BTBD9: variants seen among roughly 807,000 people sequenced by gnomAD.
BTBD9 encodes the protein BTB/POZ domain-containing protein 9.
A neutral mutation model predicts 64.3 loss-of-function variants in BTBD9; 49 were observed. The ratio of observed to expected loss-of-function variants is 0.76; its 90% CI spans 0.61 to 0.97. The LOEUF is 0.97. Ranked by LOEUF, BTBD9 falls within the 50% of genes least tolerant of loss-of-function variation. The probability of loss-of-function intolerance (pLI) is 0.00; values close to 1 mark genes in which losing one functional copy is unlikely to be tolerated. For missense variants in BTBD9, 598 were observed against 762.1 expected, an observed-to-expected ratio of 0.78 and a Z score of 2.53; for synonymous variants, 260 against 274.7, an observed-to-expected ratio of 0.95 and a Z score of 0.53.
chr6:38,552,989 CT>C (rs1039809281), intron 6 of BTBD9, among the ~76,000 whole-genome samples: 2 of 152,166 alleles, frequency 1.3e-5, no homozygotes, highest in Non-Finnish European at 2.9e-5. Context: ...TACACACAAC[CT>C]TCTGTACACA....
At chr6:38,434,989 G>A (rs1768646548) in intron 6 of BTBD9, among the ~76,000 whole-genome samples, 1 of 151,810 alleles carries the variant, frequency 6.6e-6, no homozygotes. Context: ...GAGGTCGGGA[G>A]TTCGAGACCA....
intron 10 of BTBD9, among the ~76,000 whole-genome samples, chr6:38,186,816 C>T (rs1761838512): frequency 6.6e-6 from 1 of 152,202 alleles, no homozygotes; most frequent in South Asian, 2.1e-4. Context: ...GAAACCCTGT[C>T]TTTCTGAATA....
chr6:38,448,773 C>T (rs753957141), intron 6 of BTBD9, among the ~76,000 whole-genome samples: 1 of 152,220 alleles, frequency 6.6e-6, no homozygotes, highest in Non-Finnish European at 1.5e-5. Context: ...CTGCCTCGGC[C>T]TCCCAAAGTG....
intron 1 of BTBD9, among the ~76,000 whole-genome samples, chr6:38,629,170 A>C (rs923885360): frequency 6.6e-6 from 1 of 152,222 alleles, no homozygotes; most frequent in Non-Finnish European, 1.5e-5. Flanking sequence ...GAGTGATGGA[A>C]TTAGGAAATC....
intron 6 of BTBD9, among the ~76,000 whole-genome samples, chr6:38,511,914 T>C (rs1436109966): frequency 2.0e-5 from 3 of 152,158 alleles, no homozygotes; most frequent in Non-Finnish European, 4.4e-5. Flanking sequence ...TAGGACCCTC[T>C]TGAAAGCTCA....
rs756549765 is a variant in BTBD9 at position 38,174,957 on chromosome 6, C to T, written c.*28G>A. On this transcript the variant is annotated 3_prime_UTR_variant, in exon 11 of 11. Transcript: ENST00000481247. Reference sequence around the variant, plus strand: ...CGTTTCCTGCCGTTGCCCGAGCCCACCAAGTCACACCAGGCCCGCTGCCTC... The same window carrying T: ...CGTTTCCTGCCGTTGCCCGAGCCCATCAAGTCACACCAGGCCCGCTGCCTC... 4 of 1,612,030 alleles carry T rather than the reference C, an allele frequency of 2.5e-6. No homozygotes were observed. Among genetic ancestry groups the T allele is most frequent in the Non-Finnish European group, 3.4e-6 (4 of 1,179,564 alleles).
At chr6:38,216,766 C>T (rs796876249) in intron 9 of BTBD9, among the ~76,000 whole-genome samples, 5 of 152,320 alleles carry the variant, frequency 3.3e-5, no homozygotes, top group African/African-American at 1.2e-4. Context: ...CCCAGTGATG[C>T]TCTAGTCCAG....
At chr6:38,627,512 A>G (rs1436370329) in intron 1 of BTBD9, among the ~76,000 whole-genome samples, 1 of 152,140 alleles carries the variant, frequency 6.6e-6, no homozygotes, top group Non-Finnish European at 1.5e-5. Flanking sequence ...CCCCCAGTAG[A>G]ATGGACACTC....
intron 6 of BTBD9, among the ~76,000 whole-genome samples, chr6:38,368,221 T>C (rs1006105465): frequency 6.6e-6 from 1 of 152,242 alleles, no homozygotes; most frequent in Non-Finnish European, 1.5e-5. Context: ...CATGTATATC[T>C]GCACTTTATA....
At chr6:38,599,344 G>A (rs1413226989) in intron 1 of BTBD9, among the ~76,000 whole-genome samples, 1 of 152,118 alleles carries the variant, frequency 6.6e-6, no homozygotes, top group East Asian at 1.9e-4. Context: ...GTAGTGCAGT[G>A]GCGTGATCAC....
chr6:38,402,895 C>A, intron 6 of BTBD9: 1 of 694,072 alleles, frequency 1.4e-6, no homozygotes, highest in South Asian at 1.5e-5. Context: ...TAGTGAGACT[C>A]CATCTCCACT....
chr6:38,445,748 C>A (rs927066621), intron 6 of BTBD9, among the ~76,000 whole-genome samples: 2 of 152,216 alleles, frequency 1.3e-5, no homozygotes, highest in African/African-American at 4.8e-5. Context: ...ATCATCAGAT[C>A]TTAAAAATGA....
intron 6 of BTBD9, among the ~76,000 whole-genome samples, chr6:38,520,106 T>C (rs1348510537): frequency 6.6e-6 from 1 of 151,904 alleles, no homozygotes; most frequent in Non-Finnish European, 1.5e-5. Context: ...TACATTATGA[T>C]CCAATTTTGT....
intron 1 of BTBD9, among the ~76,000 whole-genome samples, chr6:38,606,033 C>T (rs1011064204): frequency 3.9e-5 from 6 of 152,210 alleles, no homozygotes; most frequent in African/African-American, 7.2e-5. Flanking sequence ...TGGCCTCCAA[C>T]TTTCTCCCAT....
chr6:38,528,131 G>A (rs1773594417), intron 6 of BTBD9, among the ~76,000 whole-genome samples: 1 of 152,122 alleles, frequency 6.6e-6, no homozygotes, highest in South Asian at 2.1e-4. Flanking sequence ...AGAGTGTAGT[G>A]ACTGTGGGAC....
At chr6:38,208,230 C>T (rs540360443) in intron 9 of BTBD9, among the ~76,000 whole-genome samples, 3 of 152,214 alleles carry the variant, frequency 2.0e-5, no homozygotes, top group East Asian at 3.9e-4. Context: ...TGAGACGTGA[C>T]GGGTATTAAA....
intron 6 of BTBD9, among the ~76,000 whole-genome samples, chr6:38,385,281 T>A (rs573420054): frequency 6.6e-6 from 1 of 151,072 alleles, no homozygotes; most frequent in African/African-American, 2.4e-5. Flanking sequence ...AACCTCCGCC[T>A]CTGGCTCAAG....
At chr6:38,583,625 G>A (rs1385764656) in intron 4 of BTBD9, among the ~76,000 whole-genome samples, 1 of 152,170 alleles carries the variant, frequency 6.6e-6, no homozygotes, top group Non-Finnish European at 1.5e-5. Context: ...ATGAAGCTAG[G>A]GGTAACATAC....
chr6:38,188,681 C>G (rs1020402677), intron 10 of BTBD9, among the ~76,000 whole-genome samples: 1 of 152,182 alleles, frequency 6.6e-6, no homozygotes, highest in African/African-American at 2.4e-5. Context: ...TGTGTCCCTC[C>G]CAAATTCCTC....
Sources: allele counts gnomAD v4.1 joint callset (sites outside exome capture counted in the v4.1 genomes callset), GRCh38; gene constraint gnomAD v4.1.1; transcripts MANE v1.5; gene names NCBI Gene and HGNC (gene_info 2026-07-23, HGNC 2026-07-21).